The following GFRAL variants were observed in gnomAD, a reference collection of about 807,000 sequenced individuals.
GFRAL encodes the protein GDNF family receptor alpha-like.
A neutral mutation model predicts 45.4 loss-of-function variants in GFRAL; 36 were observed. The observed-to-expected ratio is 0.79, with a 90% CI of 0.61 to 1.05. The LOEUF (loss-of-function observed/expected upper bound fraction) is 1.05, where lower values mean the gene tolerates loss of function less well. Among genes scored for constraint, GFRAL ranks in the 50% least tolerant of loss-of-function variants. GFRAL has a pLI of 0.00. For missense variants in GFRAL, 507 were observed against 467.5 expected, an observed-to-expected ratio of 1.08 and a Z score of -0.78; for synonymous variants, 166 against 154.1, an observed-to-expected ratio of 1.08 and a Z score of -0.57.
At chr6:55,397,697 A>C (rs998839509) in intron 6 of GFRAL, among the ~76,000 whole-genome samples, 1 of 151,962 alleles carries the variant, frequency 6.6e-6, no homozygotes, top group Admixed American at 6.6e-5. Flanking sequence ...CTATCTCTCT[A>C]CTGATTATTG....
At position 55,341,647 on chromosome 6, in the gene GFRAL, C is replaced by T. The variant is rs528884131; in HGVS notation, c.316+7703C>T. Among the ~76,000 whole-genome samples, 9 of 152,258 alleles carry T rather than the reference C, an allele frequency of 5.9e-5. No homozygotes were observed. In the South Asian group the frequency reaches 1.9e-3, roughly 32 times the overall value. Reference sequence around the variant, plus strand: ...CCCTCCAAAGGAATGCAACACCTCGCCAGCAATGGAACAAAGCTGGATGGA... The same window carrying T: ...CCCTCCAAAGGAATGCAACACCTCGTCAGCAATGGAACAAAGCTGGATGGA... On this transcript the variant is annotated intron_variant, in intron 3 of 8. Coordinates refer to ENST00000340465, the MANE Select transcript of GFRAL (RefSeq NM_207410.2).
chr6:55,349,760 T>C (rs1168285637), intron 3 of GFRAL, among the ~76,000 whole-genome samples: 1 of 129,088 alleles, frequency 7.7e-6, no homozygotes, highest in Non-Finnish European at 1.7e-5. Flanking sequence ...AAATATTCCT[T>C]CTGTTTTTTT....
chr6:55,346,339 C>T (rs1768041450), intron 3 of GFRAL, among the ~76,000 whole-genome samples: 1 of 152,142 alleles, frequency 6.6e-6, no homozygotes, highest in South Asian at 2.1e-4. Context: ...GGCACATATA[C>T]ACCATGAAAT....
intron 6 of GFRAL, among the ~76,000 whole-genome samples, chr6:55,379,820 T>C (rs1175020168): frequency 6.6e-6 from 1 of 151,934 alleles, no homozygotes; most frequent in African/African-American, 2.4e-5. Flanking sequence ...CCAACAACCC[T>C]TGCTTTTAAT....
chr6:55,383,013 C>T (rs116618006), intron 6 of GFRAL, among the ~76,000 whole-genome samples: 74 of 151,908 alleles, frequency 4.9e-4, no homozygotes, highest in African/African-American at 1.7e-3. Flanking sequence ...AGATCTAAGG[C>T]ATATTTTCTT....
chr6:55,361,661 C>T (rs1032321923), intron 6 of GFRAL, among the ~76,000 whole-genome samples: 2 of 151,916 alleles, frequency 1.3e-5, no homozygotes, highest in African/African-American at 4.8e-5. Flanking sequence ...ATCCTTAGGC[C>T]TTGCTAATTC....
intron 2 of GFRAL, among the ~76,000 whole-genome samples, chr6:55,332,191 A>G (rs1767839109): frequency 6.6e-6 from 1 of 152,144 alleles, no homozygotes; most frequent in African/African-American, 2.4e-5. Flanking sequence ...ACATATGTCA[A>G]TGATAAAATA....
chr6:55,359,607 T>C (rs1010831070), intron 6 of GFRAL, among the ~76,000 whole-genome samples: 2 of 151,978 alleles, frequency 1.3e-5, no homozygotes, highest in African/African-American at 4.8e-5. Flanking sequence ...AGTCATCTGG[T>C]ATCTTTAGGC....
chr6:55,348,246 G>GTT (rs1277341550), intron 3 of GFRAL, among the ~76,000 whole-genome samples: 1 of 151,718 alleles, frequency 6.6e-6, no homozygotes, highest in Non-Finnish European at 1.5e-5. Context: ...GAGTGTGTGT[G>GTT]TGTGTGTGTG....
At chr6:55,346,461 A>G (rs1768043472) in intron 3 of GFRAL, among the ~76,000 whole-genome samples, 1 of 152,038 alleles carries the variant, frequency 6.6e-6, no homozygotes, top group African/African-American at 2.4e-5. Flanking sequence ...CAAACACCGC[A>G]TATTGTCACT....
intron 3 of GFRAL, among the ~76,000 whole-genome samples, chr6:55,338,815 A>G (rs114319685): frequency 0.013 from 1,989 of 152,348 alleles, 23 homozygotes; most frequent in Non-Finnish European, 0.022. Context: ...CTGGAAAGAA[A>G]TCAGCTATTT....
chr6:55,338,264 A>G (rs1767916895), intron 3 of GFRAL, among the ~76,000 whole-genome samples: 1 of 151,592 alleles, frequency 6.6e-6, no homozygotes, highest in East Asian at 1.9e-4. Flanking sequence ...TGATTTTTGT[A>G]TTTTTAGTAG....
intron 3 of GFRAL, among the ~76,000 whole-genome samples, chr6:55,342,477 G>C (rs1184081118): frequency 6.6e-6 from 1 of 152,076 alleles, no homozygotes; most frequent in Non-Finnish European, 1.5e-5. Flanking sequence ...CAAATGCTGA[G>C]AGATTTTGTC....
At chr6:55,340,987 T>C (rs924527085) in intron 3 of GFRAL, among the ~76,000 whole-genome samples, 4 of 152,168 alleles carry the variant, frequency 2.6e-5, no homozygotes, top group African/African-American at 9.7e-5. Context: ...GGGACGCCTG[T>C]CATTGCTGAG....
At chr6:55,345,243 C>T (rs1768023080) in intron 3 of GFRAL, among the ~76,000 whole-genome samples, 1 of 152,174 alleles carries the variant, frequency 6.6e-6, no homozygotes, top group Non-Finnish European at 1.5e-5. Context: ...CAAGACAATC[C>T]TAAGCCAAAA....
At chr6:55,337,067 T>C (rs1767899659) in intron 3 of GFRAL, among the ~76,000 whole-genome samples, 1 of 152,168 alleles carries the variant, frequency 6.6e-6, no homozygotes, top group African/African-American at 2.4e-5. Flanking sequence ...GTGTTAACTA[T>C]AGTCTCCCTA....
chr6:55,389,438 C>A (rs1452982113), intron 6 of GFRAL, among the ~76,000 whole-genome samples: 1 of 152,124 alleles, frequency 6.6e-6, no homozygotes, highest in Admixed American at 6.5e-5. Context: ...ATAGGTAATA[C>A]TAATGTGTAA....
chr6:55,358,733 A>G (rs62419074), intron 5 of GFRAL, among the ~76,000 whole-genome samples, 155 bp from the exon 6 acceptor site: 24,837 of 152,036 alleles, frequency 0.16, 2,347 homozygotes, highest in African/African-American at 0.25. Flanking sequence ...CACACTACCT[A>G]TGGTGATTTT....
At chr6:55,359,186 C>CTATCTATCTATCTATCTATCT (rs1554188844) in intron 6 of GFRAL, 48 bp downstream of exon 6, 2 of 1,450,130 alleles carry the variant, frequency 1.4e-6, no homozygotes, top group African/African-American at 3.6e-5. Flanking sequence ...ATCTATCTAT[C>CTATCTATCTATCTATCTATCT]ATCTATCTAT....
Sources: gnomAD v4.1 joint callset for allele counts (sites outside exome capture counted in the v4.1 genomes callset) on GRCh38, gnomAD v4.1.1 for gene constraint, MANE v1.5 for transcripts, NCBI Gene and HGNC (gene_info 2026-07-23, HGNC 2026-07-21) for gene names.